IL1RAPL1: variants seen among roughly 807,000 people sequenced by gnomAD.
IL1RAPL1 encodes interleukin-1 receptor accessory protein-like 1.
In IL1RAPL1, 3 loss-of-function variants were observed where a neutral mutation model predicts 48.4. The ratio of observed to expected loss-of-function variants is 0.06; its 90% confidence interval spans 0.03 to 0.16. The LOEUF (loss-of-function observed/expected upper bound fraction) is 0.16, where lower values mean the gene tolerates loss of function less well. IL1RAPL1 is among the 10% of genes least tolerant of loss of function. The pLI is 1.00. For synonymous variants in IL1RAPL1, 185 were observed against 187.7 expected (o/e 0.99, Z 0.12); for missense variants, 349 against 530.6 (o/e 0.66, Z 3.36).
intron 2 of IL1RAPL1, among the ~76,000 whole-genome samples, chrX:29,110,573 G>C (rs972477969): frequency 1.8e-5 from 2 of 111,681 alleles, no homozygotes; most frequent in African/African-American, 6.5e-5. Context: ...TTCTTTCAAA[G>C]GTGCCAAATC....
At chrX:28,955,806 A>G (rs1384568296) in intron 2 of IL1RAPL1, among the ~76,000 whole-genome samples, 1 of 80,892 alleles carries the variant, frequency 1.2e-5, no homozygotes, top group Non-Finnish European at 2.4e-5. Flanking sequence ...GTTTTTTCCA[A>G]TTCTGTGAAG....
chrX:29,270,577 G>A (rs1170279869), intron 2 of IL1RAPL1, among the ~76,000 whole-genome samples: 2 of 111,274 alleles, frequency 1.8e-5, no homozygotes, highest in Non-Finnish European at 3.8e-5. Context: ...GAAAATCAGT[G>A]GCAAATATAT....
Position 29,353,918 on chromosome X carries a change from G to A in IL1RAPL1, c.363-42340G>A, listed in dbSNP as rs1050853611. Among the ~76,000 whole-genome samples, 5 of 102,563 alleles carry A rather than the reference G, an allele frequency of 4.9e-5. No individual in the cohort carries two copies. The East Asian group carries it at 1.5e-3, about 32-fold the overall frequency. 89.1% of individuals were successfully genotyped at this position (102,563 alleles called of 115,157 possible). On this transcript the variant is annotated intron_variant, in intron 3 of 10. Transcript: ENST00000378993. The stretch of plus-strand genomic sequence containing the variant: ...TCCCTGGCACTATGGTAAGTGTTTT[G>A]TGTTTTGCATATAGTTTCTCATTGA...
At chrX:28,630,314 C>T (rs1456537730) in intron 1 of IL1RAPL1, among the ~76,000 whole-genome samples, 4 of 111,732 alleles carry the variant, frequency 3.6e-5, no homozygotes, top group African/African-American at 9.8e-5. Context: ...CTTTATCATT[C>T]TCTCACTGAA....
At chrX:29,927,515 CAGAG>C (rs1334770129) in intron 8 of IL1RAPL1, among the ~76,000 whole-genome samples, 1 of 111,732 alleles carries the variant, frequency 8.9e-6, no homozygotes, top group African/African-American at 3.3e-5. Flanking sequence ...ACTTGCTACT[CAGAG>C]AGATGTCTGA....
chrX:29,914,493 C>T (rs1225077202), intron 6 of IL1RAPL1, among the ~76,000 whole-genome samples: 1 of 110,787 alleles, frequency 9.0e-6, no homozygotes, highest in African/African-American at 3.3e-5. Context: ...TTATGAGTTC[C>T]AGGCATTAAG....
chrX:29,642,451 G>A (rs924753830), intron 5 of IL1RAPL1, among the ~76,000 whole-genome samples: 1 of 112,405 alleles, frequency 8.9e-6, no homozygotes, highest in Admixed American at 9.4e-5. Flanking sequence ...ACTCAATAAT[G>A]TCTGTTCATT....
intron 2 of IL1RAPL1, among the ~76,000 whole-genome samples, chrX:28,895,294 A>G (rs1428377927): frequency 9.0e-6 from 1 of 110,800 alleles, no homozygotes; most frequent in Non-Finnish European, 1.9e-5. Context: ...AGGCTTTAAA[A>G]GGCCATGCTG....
At chrX:29,269,183 A>G (rs751676626) in intron 2 of IL1RAPL1, among the ~76,000 whole-genome samples, 2 of 112,236 alleles carry the variant, frequency 1.8e-5, no homozygotes, top group Non-Finnish European at 3.8e-5. Context: ...ATCATGAGAT[A>G]GCATCTGCTA....
chrX:28,943,192 C>A (rs1249293669), intron 2 of IL1RAPL1, among the ~76,000 whole-genome samples: 1 of 99,336 alleles, frequency 1.0e-5, no homozygotes, highest in Non-Finnish European at 2.0e-5. Context: ...ATTAGAGCAG[C>A]TTTAAAAAAA....
At chrX:29,082,552 C>T (rs1927865858) in intron 2 of IL1RAPL1, among the ~76,000 whole-genome samples, 1 of 111,999 alleles carries the variant, frequency 8.9e-6, no homozygotes, top group Non-Finnish European at 1.9e-5. Flanking sequence ...TTACCTATCA[C>T]TTGATTGAAA....
chrX:28,969,733 T>C (rs1402081178), intron 2 of IL1RAPL1, among the ~76,000 whole-genome samples: 1 of 109,232 alleles, frequency 9.2e-6, no homozygotes, highest in Non-Finnish European at 1.9e-5. Flanking sequence ...TATTCTTAGA[T>C]ATTCGGGAAT....
intron 2 of IL1RAPL1, among the ~76,000 whole-genome samples, chrX:29,235,716 A>G (rs1037801024): frequency 8.9e-6 from 1 of 112,441 alleles, no homozygotes; most frequent in Non-Finnish European, 1.9e-5. Flanking sequence ...TGAACAGATC[A>G]TAAAAGCAAT....
At chrX:29,778,587 T>G (rs1386910571) in intron 6 of IL1RAPL1, among the ~76,000 whole-genome samples, 1 of 112,113 alleles carries the variant, frequency 8.9e-6, no homozygotes, top group Non-Finnish European at 1.9e-5. Flanking sequence ...TTCTTTCACC[T>G]AATCCTGGTA....
intron 2 of IL1RAPL1, among the ~76,000 whole-genome samples, chrX:29,228,210 ACACACACACACAC>A (rs1403751578): frequency 2.9e-5 from 3 of 103,159 alleles, no homozygotes; most frequent in African/African-American, 1.1e-4. Flanking sequence ...ACACACACAC[ACACACACACACAC>A]AACTGTGACC....
chrX:28,610,299 T>C (rs1934132234), intron 1 of IL1RAPL1, among the ~76,000 whole-genome samples: 2 of 112,207 alleles, frequency 1.8e-5, no homozygotes, highest in Non-Finnish European at 3.8e-5. Flanking sequence ...TTGTTACCCA[T>C]TCCCCTCCTG....
At chrX:29,602,145 T>G (rs760080891) in intron 5 of IL1RAPL1, among the ~76,000 whole-genome samples, 2,360 of 106,615 alleles carry the variant, frequency 0.022, 137 homozygotes, top group African/African-American at 0.084. Flanking sequence ...CACCACACCC[T>G]GCTAATTTTG....
chrX:29,414,375 A>T (rs1257731414), intron 5 of IL1RAPL1, among the ~76,000 whole-genome samples: 1 of 112,206 alleles, frequency 8.9e-6, no homozygotes, highest in Non-Finnish European at 1.9e-5. Context: ...CCACACAAAA[A>T]AAGATTCATT....
chrX:28,905,059 G>A (rs683379), intron 2 of IL1RAPL1, among the ~76,000 whole-genome samples: 37,819 of 108,984 alleles, frequency 0.35, 4,915 homozygotes, highest in Admixed American at 0.43. Flanking sequence ...ATTTAGTTTT[G>A]GATATTTTCT....
Sources: allele counts gnomAD v4.1 joint callset (sites outside exome capture counted in the v4.1 genomes callset), GRCh38; gene constraint gnomAD v4.1.1; transcripts MANE v1.5; gene names NCBI Gene and HGNC (gene_info 2026-07-23, HGNC 2026-07-21).